Variants in MROH9 observed in about 807,000 individuals in gnomAD.
MROH9 encodes maestro heat-like repeat-containing protein family member 9.
A neutral mutation model predicts 98.2 loss-of-function variants in MROH9; 92 were observed. The ratio of observed to expected loss-of-function variants is 0.94; its 90% CI spans 0.79 to 1.11. The LOEUF (loss-of-function observed/expected upper bound fraction) is 1.11, where lower values mean the gene tolerates loss of function less well. Ranked by LOEUF, MROH9 falls within the 50% of genes most tolerant of loss-of-function variation. MROH9 has a pLI of 0.00. For missense variants in MROH9, 1,057 were observed against 1,014.8 expected (o/e 1.04, Z -0.57); for synonymous variants, 397 against 368.9 (o/e 1.08, Z -0.87).
At chr1:170,958,000 G>T (rs549697329) in intron 3 of MROH9, among the ~76,000 whole-genome samples, 8 of 151,850 alleles carry the variant, frequency 5.3e-5, no homozygotes, top group Non-Finnish European at 8.8e-5. Context: ...TAGTAGAGAC[G>T]GGGTTTCACC....
chr1:171,014,919 T>C lies in MROH9; in HGVS notation c.1734+665T>C, dbSNP rs374608683. 3.8e-4 allele frequency: 180 copies of C among 467,782 alleles called. 1 individual carries two copies. The highest frequency in any genetic ancestry group is 3.0e-3 in the African/African-American group (150 of 50,164). 29.0% of individuals were successfully genotyped at this position (467,782 alleles called of 1,614,324 possible). On this transcript the variant is annotated intron_variant, in intron 16 of 21. Coordinates refer to ENST00000367759, the MANE Select transcript of MROH9 (RefSeq NM_001163629.2). ...GGCCCACCAATCTGTGTTTTAAAGG[T>C]CCTCCAGGTGACTGTTATTCAAGTT...
At chr1:170,999,058 C>T (rs1651692279) in intron 15 of MROH9, among the ~76,000 whole-genome samples, 1 of 152,144 alleles carries the variant, frequency 6.6e-6, no homozygotes, top group Admixed American at 6.6e-5. Flanking sequence ...TTTGACCTCT[C>T]ATTAATTTTA....
intron 3 of MROH9, among the ~76,000 whole-genome samples, chr1:170,953,897 A>AAGAG (rs386368716): frequency 1.3e-5 from 2 of 150,794 alleles, no homozygotes; most frequent in African/African-American, 2.4e-5. Flanking sequence ...GAAAGAAAAA[A>AAGAG]AGAGAGAGAA....
intron 20 of MROH9, 70 bp from the exon 21 acceptor site, chr1:171,062,062 C>A: frequency 1.0e-6 from 1 of 974,998 alleles, no homozygotes; most frequent in Non-Finnish European, 1.6e-6. Context: ...AAGAAGGTAG[C>A]CAGATAACAT....
chr1:171,044,444 C>T (rs145025805), intron 20 of MROH9, among the ~76,000 whole-genome samples: 5 of 152,194 alleles, frequency 3.3e-5, no homozygotes, highest in African/African-American at 9.6e-5. Flanking sequence ...GTGTATTTGT[C>T]TGGTTTTGAT....
At chr1:171,022,102 T>C (rs1652538627) in intron 17 of MROH9, among the ~76,000 whole-genome samples, 1 of 152,152 alleles carries the variant, frequency 6.6e-6, no homozygotes, top group Non-Finnish European at 1.5e-5. Flanking sequence ...AAATAATAGA[T>C]GCTGGCAAGG....
At chr1:170,991,534 A>G (rs1157886023) in intron 11 of MROH9, among the ~76,000 whole-genome samples, 1 of 152,086 alleles carries the variant, frequency 6.6e-6, no homozygotes. Context: ...AGAGATGTAT[A>G]GCAGTTTCTA....
chr1:171,022,257 G>A (rs1421581930), intron 17 of MROH9, among the ~76,000 whole-genome samples: 6 of 152,032 alleles, frequency 3.9e-5, no homozygotes, highest in Non-Finnish European at 8.8e-5. Context: ...GTATATACCC[G>A]AAGGATTATA....
intron 20 of MROH9, among the ~76,000 whole-genome samples, chr1:171,057,971 A>AG (rs60394556): frequency 8.5e-6 from 1 of 117,522 alleles, no homozygotes; most frequent in Non-Finnish European, 1.9e-5. Context: ...ATATGGGGGG[A>AG]AAAAAACACC....
At chr1:171,024,305 T>TGTGTGTGTTC (rs1652627096) in intron 17 of MROH9, 90 bp from the exon 18 acceptor site, 6 of 608,290 alleles carry the variant, frequency 9.9e-6, no homozygotes, top group Admixed American at 2.8e-5. Context: ...TTATATGGGG[T>TGTGTGTGTTC]GTGTGTGTGT....
intron 7 of MROH9, among the ~76,000 whole-genome samples, chr1:170,968,515 A>C (rs1048978632): frequency 8.5e-5 from 13 of 152,162 alleles, no homozygotes; most frequent in African/African-American, 2.9e-4. Context: ...CAGCAACCAC[A>C]CTTTGTGAAA....
intron 10 of MROH9, 76 bp from the exon 11 acceptor site, chr1:170,989,779 T>G: frequency 7.5e-7 from 1 of 1,338,930 alleles, no homozygotes; most frequent in Non-Finnish European, 1.0e-6. Flanking sequence ...TGAATTCTTA[T>G]GTCCAAGAAA....
chr1:170,945,611 A>G (rs949099413), intron 2 of MROH9, 30 bp downstream of exon 2: 1 of 1,604,654 alleles, frequency 6.2e-7, no homozygotes, highest in Non-Finnish European at 8.5e-7. Flanking sequence ...TAGAGATGGG[A>G]GAAGGTATTT....
At chr1:171,011,288 G>C (rs994908300) in intron 15 of MROH9, among the ~76,000 whole-genome samples, 1 of 152,172 alleles carries the variant, frequency 6.6e-6, no homozygotes, top group African/African-American at 2.4e-5. Flanking sequence ...TAAGTGAAAA[G>C]TTGTTAGAGA....
chr1:170,954,477 C>T (rs1216043705), intron 3 of MROH9, among the ~76,000 whole-genome samples: 1 of 152,006 alleles, frequency 6.6e-6, no homozygotes, highest in African/African-American at 2.4e-5. Flanking sequence ...AAAGATGTCT[C>T]TTTGATATCC....
chr1:171,045,097 A>G (rs1653428954), intron 20 of MROH9, among the ~76,000 whole-genome samples: 1 of 138,908 alleles, frequency 7.2e-6, no homozygotes, highest in African/African-American at 2.6e-5. Context: ...CACCTCCTGG[A>G]TTCACGCCAT....
intron 5 of MROH9, among the ~76,000 whole-genome samples, chr1:170,960,315 C>T (rs1229368082): frequency 6.6e-6 from 1 of 152,004 alleles, no homozygotes; most frequent in Non-Finnish European, 1.5e-5. Context: ...CTGAGGATAC[C>T]CAGAGATACT....
chr1:171,047,548 C>A (rs1653507104), intron 20 of MROH9, among the ~76,000 whole-genome samples: 1 of 152,138 alleles, frequency 6.6e-6, no homozygotes, highest in Non-Finnish European at 1.5e-5. Context: ...TGACAGAATT[C>A]TGAATCCCTT....
intron 17 of MROH9, among the ~76,000 whole-genome samples, chr1:171,017,908 C>T (rs1459046760): frequency 6.6e-6 from 1 of 152,150 alleles, no homozygotes; most frequent in Non-Finnish European, 1.5e-5. Context: ...TAGGCCTGAA[C>T]CCCTCGTGGG....
Sources: gnomAD v4.1 joint callset for allele counts (sites outside exome capture counted in the v4.1 genomes callset) on GRCh38, gnomAD v4.1.1 for gene constraint, MANE v1.5 for transcripts, NCBI Gene and HGNC (gene_info 2026-07-23, HGNC 2026-07-21) for gene names.